GATA4: variants seen among roughly 807,000 people sequenced by gnomAD.
GATA4 encodes the protein GATA binding protein 4, also known as transcription factor GATA-4.
A neutral mutation model predicts 37.9 loss-of-function variants in GATA4; 7 were observed. The ratio of observed to expected loss-of-function variants is 0.18; its 90% CI spans 0.11 to 0.35. GATA4 has a LOEUF of 0.35. Ranked by LOEUF, GATA4 falls within the 10% of genes least tolerant of loss-of-function variation. The probability of loss-of-function intolerance (pLI) is 1.00; values close to 1 mark genes in which losing one functional copy is unlikely to be tolerated. For synonymous variants in GATA4, 372 were observed against 292.6 expected (o/e 1.27, Z -2.77); for missense variants, 647 against 653.0 (o/e 0.99, Z 0.10).
chr8:11,722,390 C>G (rs7833127), intron 2 of GATA4, among the ~76,000 whole-genome samples: 129,497 of 152,240 alleles, frequency 0.85, 55,297 homozygotes, highest in African/African-American at 0.92. Context: ...TACAGCCCCA[C>G]TGCCATGTTA....
Position 11,707,331 on chromosome 8 carries a change from T to A in GATA4, c.-457-525T>A, listed in dbSNP as rs74703252. ...CTCTACTTCTGGTTTTTTTTTTTTT[T>A]AATTACAAACAAAACTTTGTTAGGT... On this transcript the variant is annotated intron_variant, in intron 1 of 6. Transcript: ENST00000532059. This position sits in a 1 kb window ranked among gnomAD's most constrained non-coding sequence, Gnocchi z 4.7. 6.7e-5 allele frequency among the ~76,000 whole-genome samples: 10 copies of A among 149,264 alleles called. No individual in the cohort carries two copies. Among genetic ancestry groups the A allele is most frequent in the African/African-American group, 1.0e-4 (4 of 39,578 alleles).
chr8:11,697,957 G>A, intron 1 of GATA4: 1 of 985,474 alleles, frequency 1.0e-6, no homozygotes, highest in Non-Finnish European at 1.2e-6. Flanking sequence ...GCCTGGCGGC[G>A]CTCCAGCCGC....
Position 11,756,970 on chromosome 8 carries a change from G to A in GATA4, c.1036G>A (p.Gly346Ser), listed in dbSNP as rs779421943. ...CAGTGAGAGCCTTCCTCCCGCCAGC[G>A]GTGCTTCCAGCAACTCCAGCAACGC... ...SGSESLPPAS[G>S]ASSNSSNATT... The change falls in exon 6 of 7, where the codon GGT becomes AGT. Residue 346 changes from glycine to serine, a missense_variant. Physicochemically the swap from Gly to Ser is moderately conservative, Grantham distance 56. Transcript: ENST00000532059. 8.1e-6 allele frequency: 13 copies of A among 1,614,096 alleles called. No individual in the cohort carries two copies. The highest frequency in any genetic ancestry group is 4.5e-5 in the East Asian group (2 of 44,900).
intron 2 of GATA4, among the ~76,000 whole-genome samples, chr8:11,723,043 T>C (rs1800745296): frequency 2.0e-5 from 3 of 152,008 alleles, no homozygotes; most frequent in Admixed American, 2.0e-4. Context: ...GTTTTCAGCA[T>C]GATTAAGAAC....
intron 5 of GATA4, among the ~76,000 whole-genome samples, chr8:11,755,593 G>A (rs1335751401): frequency 6.6e-6 from 1 of 152,182 alleles, no homozygotes; most frequent in African/African-American, 2.4e-5. Context: ...AGTGCTTTGT[G>A]CTTTAGAAAG....
chr8:11,731,171 G>A (rs549956344), intron 2 of GATA4, among the ~76,000 whole-genome samples: 9 of 152,310 alleles, frequency 5.9e-5, no homozygotes, highest in Admixed American at 2.0e-4. Flanking sequence ...ATGAAGACCC[G>A]GTTTTGAGGA....
Position 11,680,854 on chromosome 8 carries a change from C to T in GATA4, c.-274+3791C>T, listed in dbSNP as rs1402123552. ...CTGGGCAGCAAGACACATAGCGAAG[C>T]CCCTGACCCATTTCTTCTCAGTTGC... On this transcript the variant is annotated intron_variant, in intron 1 of 6. Coordinates refer to the GATA4 transcript ENST00000528712. The T allele has an allele frequency of 1.1e-5, 11 of 985,402 alleles. No homozygotes were observed. The East Asian group carries it at 6.8e-4, about 61-fold the overall frequency. 61.0% of individuals were successfully genotyped at this position (985,402 alleles called of 1,614,324 possible).
chr8:11,736,725 C>T (rs1473286808), intron 2 of GATA4, among the ~76,000 whole-genome samples: 2 of 152,158 alleles, frequency 1.3e-5, no homozygotes, highest in African/African-American at 4.8e-5. Flanking sequence ...AGAAAGAGTT[C>T]TGCAGCTTAA....
At chr8:11,682,207 T>C (rs1002603860) in intron 1 of GATA4, among the ~76,000 whole-genome samples, 2 of 152,242 alleles carry the variant, frequency 1.3e-5, no homozygotes, top group African/African-American at 4.8e-5. Flanking sequence ...ATTTCTTAAA[T>C]GTAGAATCTT....
chr8:11,716,882 G>C lies in GATA4; in HGVS notation c.616+7954G>C, dbSNP rs768321940. 7.9e-5 allele frequency among the ~76,000 whole-genome samples: 12 copies of C among 152,258 alleles called. 1 individual carries two copies. Among genetic ancestry groups the C allele is most frequent in the Non-Finnish European group, 1.5e-4 (10 of 68,044 alleles). On this transcript the variant is annotated intron_variant, in intron 2 of 6. Coordinates refer to ENST00000532059, the MANE Select transcript of GATA4 (RefSeq NM_001308093.3). The stretch of plus-strand genomic sequence containing the variant: ...GCCAGTTGCAAATGTAGCTGCTTGT[G>C]TCTGCATAAGAAAGAGGAAGTATGC...
At chr8:11,740,906 A>G (rs1801706281) in intron 2 of GATA4, among the ~76,000 whole-genome samples, 1 of 151,840 alleles carries the variant, frequency 6.6e-6, no homozygotes, top group South Asian at 2.1e-4. Flanking sequence ...CCTACTTTTT[A>G]TATTTTTAGT....
intron 2 of GATA4, among the ~76,000 whole-genome samples, chr8:11,739,654 C>G (rs1431052327): frequency 6.6e-6 from 1 of 151,674 alleles, no homozygotes; most frequent in Non-Finnish European, 1.5e-5. Flanking sequence ...GGGAGTGACG[C>G]TGTCCCATCG....
At chr8:11,677,966 A>C (rs890790625) in intron 1 of GATA4, among the ~76,000 whole-genome samples, 2 of 151,736 alleles carry the variant, frequency 1.3e-5, no homozygotes, top group Non-Finnish European at 2.9e-5. Context: ...AAGTCTGGGC[A>C]AATGAGCCTT....
At chr8:11,729,783 A>G (rs1801114972) in intron 2 of GATA4, among the ~76,000 whole-genome samples, 1 of 152,204 alleles carries the variant, frequency 6.6e-6, no homozygotes, top group Non-Finnish European at 1.5e-5. Context: ...AATGCATCTG[A>G]CCCATGGTGG....
chr8:11,697,639 G>GC (rs1799544724), intron 1 of GATA4: 6 of 985,326 alleles, frequency 6.1e-6, no homozygotes, highest in Non-Finnish European at 7.2e-6. Flanking sequence ...CCCCAGCACA[G>GC]CCCCCCTTTC....
At chr8:11,710,416 G>A (rs1800125085) in intron 2 of GATA4, among the ~76,000 whole-genome samples, 1 of 152,122 alleles carries the variant, frequency 6.6e-6, no homozygotes, top group South Asian at 2.1e-4. Flanking sequence ...GCGCTTACGG[G>A]GTCCTCTCCA....
intron 2 of GATA4, among the ~76,000 whole-genome samples, chr8:11,745,306 G>T (rs1476188136): frequency 6.6e-6 from 1 of 151,258 alleles, no homozygotes; most frequent in Non-Finnish European, 1.5e-5. Flanking sequence ...GGACATGGTG[G>T]CTCACGCCCA....
chr8:11,758,668 G>C lies in GATA4; in HGVS notation c.*193G>C. ...TGGATTTTCTCAGATGCCTTTACACGCTGATGGGACTGGAGGGAGCCCACC... is the reference window on the plus strand; with the variant it reads ...TGGATTTTCTCAGATGCCTTTACACCCTGATGGGACTGGAGGGAGCCCACC... On this transcript the variant is annotated 3_prime_UTR_variant, in exon 7 of 7. Transcript: ENST00000532059. 1 of 647,866 alleles carries C rather than the reference G, an allele frequency of 1.5e-6. No individual in the cohort carries two copies. 40.1% of individuals were successfully genotyped at this position (647,866 alleles called of 1,614,324 possible).
chr8:11,717,008 CT>C (rs1200443594), intron 2 of GATA4, among the ~76,000 whole-genome samples: 3 of 152,280 alleles, frequency 2.0e-5, no homozygotes, highest in Admixed American at 2.0e-4. Context: ...AACTATTTGT[CT>C]TTTGGGAACT....
Sources: allele counts gnomAD v4.1 joint callset (sites outside exome capture counted in the v4.1 genomes callset), GRCh38; gene constraint gnomAD v4.1.1; non-coding constraint Gnocchi (gnomAD v3.1); transcripts MANE v1.5; gene names NCBI Gene and HGNC (gene_info 2026-07-23, HGNC 2026-07-21).